Variants in ADAMTS20 observed in about 807,000 individuals in gnomAD.
ADAMTS20 encodes the protein A disintegrin and metalloproteinase with thrombospondin motifs 20.
ADAMTS20 carries 225 observed loss-of-function variants against 260.1 expected under a neutral mutation model. That is an observed-to-expected ratio of 0.87 (90% CI 0.78 to 0.97). The LOEUF is 0.97. ADAMTS20 is among the 50% of genes least tolerant of loss of function. The probability of loss-of-function intolerance (pLI) is 0.00; values close to 1 mark genes in which losing one functional copy is unlikely to be tolerated. For synonymous variants in ADAMTS20, 802 were observed against 769.5 expected, an observed-to-expected ratio of 1.04 and a Z score of -0.70; for missense variants, 2,400 against 2,337.7, an observed-to-expected ratio of 1.03 and a Z score of -0.55.
chr12:43,405,822 T>C (rs527357174), intron 28 of ADAMTS20, among the ~76,000 whole-genome samples: 37 of 152,330 alleles, frequency 2.4e-4, no homozygotes, highest in African/African-American at 8.4e-4. Context: ...TTACTAGATA[T>C]GTCACTTCTC....
intron 7 of ADAMTS20, among the ~76,000 whole-genome samples, chr12:43,477,650 TTTC>T (rs1475438662): frequency 2.0e-5 from 3 of 151,438 alleles, no homozygotes; most frequent in Admixed American, 6.6e-5. Flanking sequence ...TCTTTGTCTC[TTTC>T]TTTCTCTCTC....
At chr12:43,433,813 G>C in intron 19 of ADAMTS20, 1 of 485,300 alleles carries the variant, frequency 2.1e-6, no homozygotes, top group Non-Finnish European at 4.1e-6. Context: ...TTTCCCTAAA[G>C]TTTAATGGAC....
At chr12:43,428,128 A>T in intron 26 of ADAMTS20, 113 bp downstream of exon 26, 1 of 1,081,424 alleles carries the variant, frequency 9.2e-7, no homozygotes, top group Non-Finnish European at 1.3e-6. Context: ...TAAACTATTG[A>T]TCTTGAAATA....
chr12:43,409,624 A>AAAAAAAAAAAAAAAC (rs1565684968), intron 28 of ADAMTS20, among the ~76,000 whole-genome samples: 9 of 140,500 alleles, frequency 6.4e-5, no homozygotes, highest in African/African-American at 2.4e-4. Context: ...AAAAAAAAAA[A>AAAAAAAAAAAAAAAC]AAAAAACAAG....
chr12:43,366,183 T>A (rs1220613942), intron 37 of ADAMTS20, among the ~76,000 whole-genome samples: 2 of 151,680 alleles, frequency 1.3e-5, no homozygotes, highest in Non-Finnish European at 3.0e-5. Context: ...AGAGCTGGAG[T>A]GGCCACACTA....
At chr12:43,492,681 T>C in intron 5 of ADAMTS20, 52 bp from the exon 6 acceptor site, 1 of 1,594,824 alleles carries the variant, frequency 6.3e-7, no homozygotes, top group South Asian at 1.1e-5. Flanking sequence ...CGTCCTCTTT[T>C]CCTTCCAAGT....
At chr12:43,506,786 T>A (rs925857062) in intron 3 of ADAMTS20, among the ~76,000 whole-genome samples, 3 of 151,788 alleles carry the variant, frequency 2.0e-5, no homozygotes, top group Admixed American at 6.6e-5. Context: ...CCACCTTTTT[T>A]TTTTTTTTTT....
intron 31 of ADAMTS20, among the ~76,000 whole-genome samples, chr12:43,383,291 C>T (rs529541357): frequency 6.6e-5 from 10 of 152,288 alleles, no homozygotes; most frequent in East Asian, 1.9e-4. Flanking sequence ...GACAACTGTA[C>T]GGTGCCAGTT....
At chr12:43,388,072 C>CAAAAAAA (rs909186776) in intron 29 of ADAMTS20, among the ~76,000 whole-genome samples, 1 of 147,318 alleles carries the variant, frequency 6.8e-6, no homozygotes, top group African/African-American at 2.5e-5. Context: ...GTGCCACGTA[C>CAAAAAAA]AAAAAAAAAA....
chr12:43,456,260 G>T (rs1459397742), intron 11 of ADAMTS20, among the ~76,000 whole-genome samples: 2 of 152,102 alleles, frequency 1.3e-5, no homozygotes, highest in Non-Finnish European at 1.5e-5. Context: ...TTGCAAAGTG[G>T]TTTCCTAGAT....
At chr12:43,493,749 C>T (rs1247173278) in intron 4 of ADAMTS20, among the ~76,000 whole-genome samples, 1 of 152,222 alleles carries the variant, frequency 6.6e-6, no homozygotes, top group African/African-American at 2.4e-5. Flanking sequence ...TTTACCTATT[C>T]TTTTCTGATA....
rs528974624 is a variant in ADAMTS20 at position 43,443,771 on chromosome 12, T to G, written c.2290+20A>C. On this transcript the variant is annotated intron_variant, in intron 16 of 38. Transcript: ENST00000389420. Reference sequence around the variant, plus strand: ...TGCACATAAGCCACATACTGGCTGTTGTTTACGAGAAATGTTTACCAAGGT... The same window carrying G: ...TGCACATAAGCCACATACTGGCTGTGGTTTACGAGAAATGTTTACCAAGGT... 1.6e-5 allele frequency: 25 copies of G among 1,595,810 alleles called. No homozygotes were observed. The South Asian group carries it at 2.8e-4, about 18-fold the overall frequency.
chr12:43,424,737 G>C (rs11182066), intron 28 of ADAMTS20, among the ~76,000 whole-genome samples: 10,781 of 151,926 alleles, frequency 0.071, 532 homozygotes, highest in Non-Finnish European at 0.11. Flanking sequence ...TAATAGTCCT[G>C]ATTAATTGAC....
At chr12:43,385,608 C>T (rs916430655) in intron 29 of ADAMTS20, among the ~76,000 whole-genome samples, 2 of 152,116 alleles carry the variant, frequency 1.3e-5, no homozygotes, top group Non-Finnish European at 2.9e-5. Context: ...TTTAATCCAT[C>T]TTGAGTTAAT....
chr12:43,428,621 A>G lies in ADAMTS20; in HGVS notation c.3654+14T>C. The G allele has an allele frequency of 2.0e-6, 3 of 1,528,966 alleles. No homozygotes were observed. Among genetic ancestry groups the G allele is most frequent in the Non-Finnish European group, 1.8e-6 (2 of 1,142,186 alleles). The allele number at this position is 1,528,966 out of a possible 1,614,324, so 94.7% of individuals were successfully genotyped here. A position where few individuals can be genotyped will look rare whatever the true frequency, so the allele number is the denominator to read the frequency against. ...AAATTTTTCATTTTCTTTTTTTCTC[A>G]TAAGAATACTTACGGGTGACCAATC... On this transcript the variant is annotated intron_variant, in intron 25 of 38. Coordinates refer to ENST00000389420, the MANE Select transcript of ADAMTS20 (RefSeq NM_025003.5).
At chr12:43,547,061 G>T (rs1260972440) in intron 2 of ADAMTS20, among the ~76,000 whole-genome samples, 1 of 152,118 alleles carries the variant, frequency 6.6e-6, no homozygotes, top group Non-Finnish European at 1.5e-5. Flanking sequence ...AAAAGTGGGG[G>T]AAATTTAACC....
At chr12:43,367,459 C>T (rs917592531) in intron 37 of ADAMTS20, among the ~76,000 whole-genome samples, 15 of 152,014 alleles carry the variant, frequency 9.9e-5, no homozygotes, top group African/African-American at 3.6e-4. Context: ...GGATCTTCTC[C>T]ACAGAAAATC....
chr12:43,525,857 C>T (rs922602950), intron 3 of ADAMTS20, among the ~76,000 whole-genome samples: 4 of 152,160 alleles, frequency 2.6e-5, no homozygotes, highest in Non-Finnish European at 5.9e-5. Context: ...GCACCTAACA[C>T]TGGAGCTCCC....
At chr12:43,369,191 A>T in intron 37 of ADAMTS20, 99 bp downstream of exon 37, 1 of 648,778 alleles carries the variant, frequency 1.5e-6, no homozygotes, top group Non-Finnish European at 2.3e-6. Context: ...ATTTCTATTT[A>T]CTTATGTTTC....
Sources: allele counts gnomAD v4.1 joint callset (sites outside exome capture counted in the v4.1 genomes callset), GRCh38; gene constraint gnomAD v4.1.1; transcripts MANE v1.5; gene names NCBI Gene and HGNC (gene_info 2026-07-23, HGNC 2026-07-21).